The following ZMAT4 variants were observed in gnomAD, a reference collection of about 807,000 sequenced individuals.
ZMAT4 encodes the protein zinc finger matrin-type 4.
ZMAT4 carries 17 observed loss-of-function variants against 28.7 expected under a neutral mutation model. The observed-to-expected ratio is 0.59, with a 90% confidence interval of 0.41 to 0.89. The LOEUF (loss-of-function observed/expected upper bound fraction) is 0.89. Among genes scored for constraint, ZMAT4 ranks in the 40% least tolerant of loss-of-function variants. The pLI is 0.00. For missense variants in ZMAT4, 240 were observed against 283.8 expected (o/e 0.85, Z 1.11); for synonymous variants, 117 against 109.2 (o/e 1.07, Z -0.44).
At chr8:40,713,198 A>G (rs2150509728) in intron 3 of ZMAT4, among the ~76,000 whole-genome samples, 1 of 152,326 alleles carries the variant, frequency 6.6e-6, no homozygotes, top group East Asian at 1.9e-4. Flanking sequence ...CAAGTCAGGG[A>G]GGAAAAGGAC....
intron 5 of ZMAT4, among the ~76,000 whole-genome samples, chr8:40,590,080 C>T (rs532652726): frequency 1.9e-3 from 279 of 148,560 alleles, no homozygotes; most frequent in African/African-American, 6.6e-3. Flanking sequence ...AATACAGTGG[C>T]ATGATTGTAG....
At chr8:40,719,314 G>T (rs766204700) in intron 3 of ZMAT4, among the ~76,000 whole-genome samples, 5 of 152,044 alleles carry the variant, frequency 3.3e-5, no homozygotes, top group African/African-American at 7.2e-5. Context: ...GTGGTGGCAG[G>T]TGCCTGTAGT....
intron 1 of ZMAT4, among the ~76,000 whole-genome samples, chr8:40,854,534 G>A (rs1360199568): frequency 1.3e-5 from 2 of 152,208 alleles, no homozygotes; most frequent in African/African-American, 2.4e-5. Context: ...GTGGACCTCA[G>A]GGAGTCCAAT....
chr8:40,622,304 T>C (rs947245057), intron 5 of ZMAT4, among the ~76,000 whole-genome samples: 7 of 152,212 alleles, frequency 4.6e-5, no homozygotes, highest in African/African-American at 1.7e-4. Context: ...TGTGGGTGGC[T>C]TGTGACTTAA....
intron 2 of ZMAT4, among the ~76,000 whole-genome samples, chr8:40,783,837 C>T (rs1010132610): frequency 6.6e-6 from 1 of 151,978 alleles, no homozygotes; most frequent in Non-Finnish European, 1.5e-5. Flanking sequence ...ATGGTGAAAC[C>T]CTGTCTCTAC....
rs571239765 is a variant in ZMAT4 at position 40,531,132 on chromosome 8, A to T, written c.*1091T>A. 6.6e-6 allele frequency: 1 copy of T among 152,570 alleles called. No individual in the cohort carries two copies. Among genetic ancestry groups the T allele is most frequent in the South Asian group, 2.1e-4 (1 of 4,806 alleles). The allele number at this position is 152,570 out of a possible 1,614,324, so 9.5% of individuals were successfully genotyped here. A position where few individuals can be genotyped will look rare whatever the true frequency, so the allele number is the denominator to read the frequency against. Reference sequence around the variant, plus strand: ...AGGCTACAAGACACCAAGTCCGGTCACCATGGAAAAGAATTAAACCTAGAG... The same window carrying T: ...AGGCTACAAGACACCAAGTCCGGTCTCCATGGAAAAGAATTAAACCTAGAG... On this transcript the variant is annotated 3_prime_UTR_variant, in exon 7 of 7. Coordinates refer to ENST00000297737, the MANE Select transcript of ZMAT4 (RefSeq NM_024645.3).
intron 2 of ZMAT4, among the ~76,000 whole-genome samples, chr8:40,801,349 A>ATATATAT (rs1334146524): frequency 6.2e-5 from 3 of 48,772 alleles, no homozygotes; most frequent in African/African-American, 1.5e-4. Context: ...TTTAAAAAAA[A>ATATATAT]AAATATATAT....
chr8:40,626,915 C>T (rs556466446), intron 5 of ZMAT4, among the ~76,000 whole-genome samples: 1 of 152,136 alleles, frequency 6.6e-6, no homozygotes, highest in African/African-American at 2.4e-5. Context: ...TGGGATTATA[C>T]ATTTGATGAA....
intron 3 of ZMAT4, among the ~76,000 whole-genome samples, chr8:40,737,803 C>T (rs1208283137): frequency 1.3e-5 from 2 of 150,742 alleles, no homozygotes; most frequent in African/African-American, 5.0e-5. Flanking sequence ...TCTGTCTTAT[C>T]CTTTGCTTAT....
intron 2 of ZMAT4, among the ~76,000 whole-genome samples, chr8:40,789,488 A>T (rs1814234765): frequency 6.6e-6 from 1 of 152,212 alleles, no homozygotes; most frequent in South Asian, 2.1e-4. Flanking sequence ...AAAAACAAAA[A>T]TTAGATAACA....
chr8:40,849,753 C>T (rs1331278908), intron 1 of ZMAT4, among the ~76,000 whole-genome samples: 6 of 152,154 alleles, frequency 3.9e-5, no homozygotes, highest in South Asian at 2.1e-4. Flanking sequence ...GATCTCCTTC[C>T]GTGTCTAGAT....
At chr8:40,767,458 A>G (rs1813208643) in intron 3 of ZMAT4, among the ~76,000 whole-genome samples, 183 bp downstream of exon 3, 1 of 152,142 alleles carries the variant, frequency 6.6e-6, no homozygotes, top group African/African-American at 2.4e-5. Context: ...TATATGGGCA[A>G]GTTCTGGCAG....
chr8:40,844,685 G>GTC (rs1489377242), intron 1 of ZMAT4, among the ~76,000 whole-genome samples: 1 of 151,634 alleles, frequency 6.6e-6, no homozygotes, highest in Non-Finnish European at 1.5e-5. Flanking sequence ...GTGTGTGTGT[G>GTC]TGTGTGTGTG....
intron 1 of ZMAT4, among the ~76,000 whole-genome samples, chr8:40,831,311 C>T (rs905449683): frequency 8.5e-5 from 13 of 152,200 alleles, no homozygotes; most frequent in Non-Finnish European, 1.2e-4. Context: ...CCCTGACGGA[C>T]GGAGAAGTTT....
intron 4 of ZMAT4, among the ~76,000 whole-genome samples, chr8:40,692,492 C>T (rs925839024): frequency 1.3e-4 from 20 of 152,168 alleles, no homozygotes; most frequent in African/African-American, 4.6e-4. Context: ...CGCAAAGTAT[C>T]ACAATAAAGG....
chr8:40,628,964 T>G (rs1806473113), intron 5 of ZMAT4, among the ~76,000 whole-genome samples: 1 of 151,948 alleles, frequency 6.6e-6, no homozygotes, highest in South Asian at 2.1e-4. Context: ...TGTAGATATA[T>G]TTAATGTTTG....
At chr8:40,755,699 C>A (rs534635378) in intron 3 of ZMAT4, among the ~76,000 whole-genome samples, 2 of 152,170 alleles carry the variant, frequency 1.3e-5, no homozygotes, top group African/African-American at 4.8e-5. Flanking sequence ...GCAATCTGCC[C>A]GCCTTGGCCT....
At chr8:40,765,592 A>G (rs979545413) in intron 3 of ZMAT4, among the ~76,000 whole-genome samples, 3 of 152,232 alleles carry the variant, frequency 2.0e-5, no homozygotes, top group African/African-American at 4.8e-5. Context: ...GGGGACTTTG[A>G]TAAAGAATGC....
At chr8:40,694,130 G>A (rs1416048478) in intron 4 of ZMAT4, among the ~76,000 whole-genome samples, 2 of 152,078 alleles carry the variant, frequency 1.3e-5, no homozygotes, top group Admixed American at 6.5e-5. Flanking sequence ...TAGGCAGAGC[G>A]GTTCCTAGAG....
Sources: allele counts gnomAD v4.1 joint callset (sites outside exome capture counted in the v4.1 genomes callset), GRCh38; gene constraint gnomAD v4.1.1; transcripts MANE v1.5; gene names NCBI Gene and HGNC (gene_info 2026-07-23, HGNC 2026-07-21).